FBXL7: variants seen among roughly 807,000 people sequenced by gnomAD.
FBXL7 encodes F-box and leucine rich repeat protein 7.
A neutral mutation model predicts 38.3 loss-of-function variants in FBXL7; 12 were observed. The observed-to-expected ratio is 0.31, with a 90% confidence interval of 0.20 to 0.51. FBXL7 has a LOEUF of 0.51. FBXL7 is among the 20% of genes least tolerant of loss of function. The probability of loss-of-function intolerance (pLI) is 0.98; values close to 1 mark genes in which losing one functional copy is unlikely to be tolerated. For missense variants in FBXL7, 567 were observed against 676.4 expected (o/e 0.84, Z 1.79); for synonymous variants, 297 against 300.9 (o/e 0.99, Z 0.13).
chr5:15,611,026 G>T (rs1355146806), intron 1 of FBXL7, among the ~76,000 whole-genome samples: 1 of 152,156 alleles, frequency 6.6e-6, no homozygotes, highest in Non-Finnish European at 1.5e-5. Flanking sequence ...ATGTAAGCGG[G>T]CTGCAAGCTG....
chr5:15,537,971 G>A (rs993980876), intron 1 of FBXL7, among the ~76,000 whole-genome samples: 3 of 152,174 alleles, frequency 2.0e-5, no homozygotes, highest in African/African-American at 7.2e-5. Flanking sequence ...TGAGCTATGG[G>A]GAGGATGAGT....
chr5:15,876,479 A>T (rs898491024), intron 2 of FBXL7, among the ~76,000 whole-genome samples: 5 of 152,152 alleles, frequency 3.3e-5, no homozygotes, highest in South Asian at 2.1e-4. Context: ...AAAATATGAC[A>T]TTTTAGTTGA....
At chr5:15,784,664 C>T (rs1409361777) in intron 2 of FBXL7, among the ~76,000 whole-genome samples, 1 of 151,942 alleles carries the variant, frequency 6.6e-6, no homozygotes, top group African/African-American at 2.4e-5. Context: ...TGTGGCATCT[C>T]CCCACCCCCC....
chr5:15,607,909 G>T (rs369796081), intron 1 of FBXL7, among the ~76,000 whole-genome samples: 1 of 152,162 alleles, frequency 6.6e-6, no homozygotes, highest in South Asian at 2.1e-4. Context: ...GCCCACTTGC[G>T]AGGAAATTAA....
intron 1 of FBXL7, among the ~76,000 whole-genome samples, chr5:15,571,225 G>A (rs1738770361): frequency 1.3e-5 from 2 of 152,008 alleles, no homozygotes; most frequent in South Asian, 4.1e-4. Context: ...TTAAGTCAAT[G>A]GCCTCTAACT....
chr5:15,736,474 T>G (rs566703233), intron 2 of FBXL7, among the ~76,000 whole-genome samples: 17 of 152,198 alleles, frequency 1.1e-4, no homozygotes, highest in Non-Finnish European at 2.2e-4. Flanking sequence ...AGATTTTTCT[T>G]ATAAGTTTCA....
chr5:15,697,565 C>A (rs1283755933), intron 2 of FBXL7, among the ~76,000 whole-genome samples: 1 of 151,766 alleles, frequency 6.6e-6, no homozygotes, highest in Non-Finnish European at 1.5e-5. Context: ...GAGACTATTT[C>A]TGCATTCTAG....
chr5:15,610,903 G>T (rs527283178), intron 1 of FBXL7, among the ~76,000 whole-genome samples: 1 of 152,092 alleles, frequency 6.6e-6, no homozygotes, highest in Admixed American at 6.6e-5. Context: ...AGAAACAAAA[G>T]AAACTACAAT....
chr5:15,798,818 G>A (rs1166260973), intron 2 of FBXL7, among the ~76,000 whole-genome samples: 1 of 152,082 alleles, frequency 6.6e-6, no homozygotes, highest in Non-Finnish European at 1.5e-5. Context: ...AGAGAATGTG[G>A]TCGTCATTAT....
intron 2 of FBXL7, among the ~76,000 whole-genome samples, chr5:15,750,793 G>A (rs980076541): frequency 6.6e-6 from 1 of 152,004 alleles, no homozygotes; most frequent in Admixed American, 6.6e-5. Flanking sequence ...CACAGTTCTG[G>A]AGCAAAGCAT....
intron 2 of FBXL7, among the ~76,000 whole-genome samples, chr5:15,792,758 G>A (rs1339593144): frequency 6.6e-6 from 1 of 152,168 alleles, no homozygotes; most frequent in Admixed American, 6.5e-5. Flanking sequence ...CCATGAGACT[G>A]TCCTTGGTGC....
At chr5:15,693,281 G>A (rs1743235206) in intron 2 of FBXL7, among the ~76,000 whole-genome samples, 1 of 152,132 alleles carries the variant, frequency 6.6e-6, no homozygotes, top group Admixed American at 6.5e-5. Context: ...GCCACCAGAT[G>A]CGAGACTTAC....
At chr5:15,629,396 A>C (rs1740927266) in intron 2 of FBXL7, among the ~76,000 whole-genome samples, 1 of 152,202 alleles carries the variant, frequency 6.6e-6, no homozygotes, top group Admixed American at 6.5e-5. Flanking sequence ...AGGAAGCAGT[A>C]CACATTGATT....
At chr5:15,805,937 G>A (rs1337632681) in intron 2 of FBXL7, among the ~76,000 whole-genome samples, 1 of 152,128 alleles carries the variant, frequency 6.6e-6, no homozygotes, top group Non-Finnish European at 1.5e-5. Context: ...GAATAAAGAG[G>A]AAGAAAAAAG....
At chr5:15,625,582 A>C (rs1234708976) in intron 2 of FBXL7, among the ~76,000 whole-genome samples, 1 of 152,168 alleles carries the variant, frequency 6.6e-6, no homozygotes, top group Non-Finnish European at 1.5e-5. Flanking sequence ...TGAACCTAGG[A>C]GGCAGAGGTT....
chr5:15,698,832 T>C (rs1743429134), intron 2 of FBXL7, among the ~76,000 whole-genome samples: 2 of 152,180 alleles, frequency 1.3e-5, no homozygotes, highest in Admixed American at 1.3e-4. Context: ...ATCAAATTAA[T>C]CAGGAAACCC....
At chr5:15,609,750 C>A (rs181810954) in intron 1 of FBXL7, among the ~76,000 whole-genome samples, 1 of 152,314 alleles carries the variant, frequency 6.6e-6, no homozygotes, top group East Asian at 1.9e-4. Context: ...TGCTACCCGG[C>A]AGCTTGATGT....
chr5:15,771,279 C>A (rs537389803), intron 2 of FBXL7, among the ~76,000 whole-genome samples: 2 of 152,326 alleles, frequency 1.3e-5, no homozygotes, highest in Non-Finnish European at 2.9e-5. Flanking sequence ...CTTCACTTCT[C>A]TGATAAATGT....
At chr5:15,772,917 CAG>C (rs974142347) in intron 2 of FBXL7, among the ~76,000 whole-genome samples, 3 of 150,782 alleles carry the variant, frequency 2.0e-5, no homozygotes, top group South Asian at 4.2e-4. Context: ...TTTTTTGAGA[CAG>C]AGTCTTGCTG....
Sources: allele counts gnomAD v4.1 joint callset (sites outside exome capture counted in the v4.1 genomes callset), GRCh38; gene constraint gnomAD v4.1.1; transcripts MANE v1.5; gene names NCBI Gene and HGNC (gene_info 2026-07-23, HGNC 2026-07-21).